FAAP20: variants seen among roughly 807,000 people sequenced by gnomAD.
The protein encoded by FAAP20 is FA core complex associated protein 20.
In FAAP20, 12 loss-of-function variants were observed where a neutral mutation model predicts 16.2. That is an observed-to-expected ratio of 0.74 (90% CI 0.48 to 1.20). The LOEUF is 1.20. FAAP20 is among the 50% of genes most tolerant of loss of function. The probability of loss-of-function intolerance (pLI) is 0.00; values close to 1 mark genes in which losing one functional copy is unlikely to be tolerated. For synonymous variants in FAAP20, 141 were observed against 110.7 expected (o/e 1.27, Z -1.72); for missense variants, 288 against 245.8 (o/e 1.17, Z -1.15).
chr1:2,192,062 A>G (rs540934369), intron 3 of FAAP20: 95 of 985,510 alleles, frequency 9.6e-5, no homozygotes, highest in Non-Finnish European at 9.8e-5. Context: ...CCAGGGCTCC[A>G]GGCTCAGCAG....
chr1:2,203,160 T>C (rs1689113469), upstream of FAAP20, among the ~76,000 whole-genome samples: 2 of 152,216 alleles, frequency 1.3e-5, no homozygotes, highest in South Asian at 2.1e-4. Flanking sequence ...CCCAGGAAGC[T>C]ATCTGGCCGC....
upstream of FAAP20, chr1:2,198,270 A>T (rs1479389274): frequency 7.1e-6 from 7 of 984,588 alleles, no homozygotes; most frequent in African/African-American, 1.7e-5. Flanking sequence ...GGCAGAGCAG[A>T]AGGTGATCGA....
intron 3 of FAAP20, chr1:2,190,587 G>A (rs946344947): frequency 3.0e-5 from 11 of 363,564 alleles, no homozygotes; most frequent in Non-Finnish European, 6.1e-5. Flanking sequence ...TTGACTTCCG[G>A]CCATGACTCC....
intron 3 of FAAP20, chr1:2,190,615 G>C (rs1688106161): frequency 2.8e-6 from 1 of 353,364 alleles, no homozygotes; most frequent in Admixed American, 3.7e-5. Context: ...TGCCGGAGCT[G>C]GCGTGCTCAG....
chr1:2,204,072 C>T (rs906413760), upstream of FAAP20, among the ~76,000 whole-genome samples: 1 of 152,234 alleles, frequency 6.6e-6, no homozygotes, highest in African/African-American at 2.4e-5. Context: ...GTTGGTGAGG[C>T]CAGCTCCTGC....
At chr1:2,211,005 T>C, downstream of FAAP20, among the ~76,000 whole-genome samples, 1 of 152,176 alleles carries the variant, frequency 6.6e-6, no homozygotes, top group Non-Finnish European at 1.5e-5. Flanking sequence ...AGCGCCTGTC[T>C]TGCCCGGGCT....
chr1:2,191,918 C>G (rs895137719), intron 3 of FAAP20: 7 of 985,336 alleles, frequency 7.1e-6, no homozygotes, highest in Non-Finnish European at 8.4e-6. Context: ...ACAAGAAGAT[C>G]TTAAAGACAC....
downstream of FAAP20, chr1:2,186,977 T>C: frequency 3.4e-6 from 1 of 294,326 alleles, no homozygotes; most frequent in Non-Finnish European, 7.2e-6. Flanking sequence ...GTGAAGGATG[T>C]ATTGAAGTGT....
In FAAP20 at chr1:2,189,705, G is replaced by C. The variant is rs751671504; in HGVS notation, c.*4C>G. 1 of 1,608,900 alleles carries C rather than the reference G, an allele frequency of 6.2e-7. No homozygotes were observed. The highest frequency in any genetic ancestry group is 8.5e-7 in the Non-Finnish European group (1 of 1,177,116). ...GCACTCTGCGCAGGGCTCTTGGATG[G>C]CGCTCACCACGTCACGTCTTCTGTG... On this transcript the variant is annotated 3_prime_UTR_variant, in exon 4 of 4. Coordinates refer to ENST00000378546, the MANE Select transcript of FAAP20 (RefSeq NM_182533.4).
At chr1:2,209,618 G>T (rs934943703), downstream of FAAP20, among the ~76,000 whole-genome samples, 1 of 152,252 alleles carries the variant, frequency 6.6e-6, no homozygotes. Flanking sequence ...CTCCCGTGGG[G>T]CTCAGCGGGG....
upstream of FAAP20, chr1:2,200,691 C>T (rs959992150): frequency 7.1e-6 from 7 of 986,668 alleles, no homozygotes; most frequent in African/African-American, 8.7e-5. Context: ...CTTTCCAAGC[C>T]GCCACGCACC....
At chr1:2,190,659 T>A (rs1008694092) in intron 3 of FAAP20, 4 of 342,710 alleles carry the variant, frequency 1.2e-5, no homozygotes, top group Non-Finnish European at 2.3e-5. Context: ...CGGGGCTGAG[T>A]GGGCGGCTTC....
chr1:2,194,850 C>G, upstream of FAAP20: 1 of 1,026,500 alleles, frequency 9.7e-7, no homozygotes. Flanking sequence ...AGCGAGGCCG[C>G]CCCCCTCCGA....
upstream of FAAP20, chr1:2,198,827 CCTGCTGGCCCGTGGATG>C: frequency 7.8e-7 from 1 of 1,289,792 alleles, no homozygotes; most frequent in Non-Finnish European, 1.0e-6. Context: ...CTCCACCACA[CCTGCTGGCCCGTGGATG>C]CCAGGCAGGC....
chr1:2,207,347 G>A (rs1250427195), downstream of FAAP20, among the ~76,000 whole-genome samples: 3 of 152,218 alleles, frequency 2.0e-5, no homozygotes, highest in East Asian at 5.8e-4. Flanking sequence ...GGAGCTGGGA[G>A]AGGCTGAAGA....
chr1:2,209,721 C>G (rs1689384830), downstream of FAAP20, among the ~76,000 whole-genome samples: 2 of 152,196 alleles, frequency 1.3e-5, no homozygotes, highest in Non-Finnish European at 2.9e-5. Context: ...TTCGGCCACC[C>G]CACTTTGTGC....
intron 3 of FAAP20, chr1:2,192,016 G>GC: frequency 1.0e-6 from 1 of 985,524 alleles, no homozygotes; most frequent in Non-Finnish European, 1.2e-6. Flanking sequence ...GAAATGGGAG[G>GC]CCTCCTGGCA....
upstream of FAAP20, chr1:2,198,253 C>T (rs1688901932): frequency 1.8e-6 from 2 of 1,090,250 alleles, no homozygotes; most frequent in Admixed American, 5.2e-5. Context: ...TGGGAGTTTG[C>T]ATCCCAGGCA....
At chr1:2,205,015 T>TC (rs1420085025) in intron 3 of FAAP20, among the ~76,000 whole-genome samples, 3 of 48,394 alleles carry the variant, frequency 6.2e-5, no homozygotes, top group East Asian at 7.4e-4. Flanking sequence ...CCCTCCGGGC[T>TC]CCCCACGCCC....
Sources: gnomAD v4.1 joint callset for allele counts (sites outside exome capture counted in the v4.1 genomes callset) on GRCh38, gnomAD v4.1.1 for gene constraint, MANE v1.5 for transcripts, NCBI Gene and HGNC (gene_info 2026-07-23, HGNC 2026-07-21) for gene names.